Variants in CCNE2 observed in about 807,000 individuals in gnomAD.
CCNE2 encodes the protein cyclin E2, also known as G1/S-specific cyclin-E2.
CCNE2 carries 18 observed loss-of-function variants against 56.8 expected under a neutral mutation model. The observed-to-expected ratio is 0.32, with a 90% CI of 0.22 to 0.47. CCNE2 has a LOEUF of 0.47. Among genes scored for constraint, CCNE2 ranks in the 20% least tolerant of loss-of-function variants. CCNE2 has a pLI of 1.00. For missense variants in CCNE2, 371 were observed against 467.1 expected (o/e 0.79, Z 1.90); for synonymous variants, 139 against 149.2 (o/e 0.93, Z 0.50).
chr8:94,891,460 A>G (rs532122744), intron 5 of CCNE2: 116 of 281,970 alleles, frequency 4.1e-4, no homozygotes, highest in African/African-American at 2.5e-3. Context: ...GGAGTTCGAG[A>G]CCAGCCTGGC....
intron 9 of CCNE2, 81 bp from the exon 10 acceptor site, chr8:94,882,973 G>C (rs903536815): frequency 2.3e-5 from 22 of 973,422 alleles, no homozygotes; most frequent in African/African-American, 3.3e-5. Context: ...TAGGGATCTA[G>C]AGATAAATAA....
upstream of CCNE2, chr8:94,895,230 A>C: frequency 4.1e-6 from 4 of 985,310 alleles, no homozygotes; most frequent in Non-Finnish European, 4.8e-6. Flanking sequence ...CCCAATATAT[A>C]GGCCGGGCCG....
At chr8:94,889,350 A>G (rs1250662177) in intron 6 of CCNE2, among the ~76,000 whole-genome samples, 1 of 152,208 alleles carries the variant, frequency 6.6e-6, no homozygotes, top group Non-Finnish European at 1.5e-5. Flanking sequence ...TGTTGCATAC[A>G]TAATCATATT....
intron 6 of CCNE2, among the ~76,000 whole-genome samples, chr8:94,889,836 G>A (rs1339334228): frequency 6.6e-6 from 1 of 152,140 alleles, no homozygotes; most frequent in African/African-American, 2.4e-5. Flanking sequence ...ACCTAAACAA[G>A]AGAGAAAAAT....
chr8:94,894,004 C>G lies in CCNE2; in HGVS notation c.111+19G>C. The G allele has an allele frequency of 6.2e-7, 1 of 1,613,912 alleles. No homozygotes were observed. Among genetic ancestry groups the G allele is most frequent in the Non-Finnish European group, 8.5e-7 (1 of 1,179,872 alleles). ...TCCCAGCATGGAATTTCGTTCCTCC[C>G]TCTTTCTCCTTAAATCACCTGGGTA... On this transcript the variant is annotated intron_variant, in intron 3 of 11. Transcript: ENST00000308108.
At chr8:94,891,775 C>A (rs1040663745) in intron 5 of CCNE2, 2 of 1,361,862 alleles carry the variant, frequency 1.5e-6, no homozygotes, top group Non-Finnish European at 1.0e-6. Context: ...CCAGGCCAAG[C>A]AGTGGGACTG....
At chr8:94,885,770 G>C (rs1817016390) in intron 7 of CCNE2, among the ~76,000 whole-genome samples, 1 of 143,448 alleles carries the variant, frequency 7.0e-6, no homozygotes, top group South Asian at 2.2e-4. Flanking sequence ...TCAGGCTGGA[G>C]TGCAGTGGTG....
chr8:94,884,014 G>T, intron 9 of CCNE2: 1 of 412,138 alleles, frequency 2.4e-6, no homozygotes, highest in South Asian at 1.7e-5. Context: ...ACTATCAGAA[G>T]GGTATAGCTG....
rs771112872 is a variant in CCNE2, at chr8:94,892,932, G to A, written c.203C>T (p.Pro68Leu). 1 of 1,543,674 alleles carries A rather than the reference G, an allele frequency of 6.5e-7. No homozygotes were observed. Among genetic ancestry groups the A allele is most frequent in the Non-Finnish European group, 8.7e-7 (1 of 1,155,940 alleles). Residue 68 changes from proline (P) to leucine (L), a missense_variant, in exon 5 of 12, where the codon CCT becomes CTT. Transcript: ENST00000308108. ...WPPVLSGGIS[P>L]CIIIETPHKE... Reference sequence around the variant, plus strand: ...GTGAGGTGTTTCAATGATAATGCAAGGACTGATCCCCCCAGATAATACAGG... The same window carrying A: ...GTGAGGTGTTTCAATGATAATGCAAAGACTGATCCCCCCAGATAATACAGG...
chr8:94,885,465 TTAATA>T lies in CCNE2; in HGVS notation c.689_693del (p.Ile230LysfsTer23). 6.4e-7 allele frequency: 1 copy of T among 1,553,934 alleles called. No homozygotes were observed. The highest frequency in any genetic ancestry group is 8.8e-7 in the Non-Finnish European group (1 of 1,134,538). ...TAGGAAAACATAATTATTATTACCT[TTAATA>T]TAATGAGTTCCATCCTTAAGATATC... is the stretch of plus-strand genomic sequence containing the variant. On this transcript the variant is annotated frameshift_variant, in exon 8 of 12. Transcript: ENST00000308108. LOFTEE classifies it high-confidence loss of function.
chr8:94,883,925 G>A (rs979269763), intron 9 of CCNE2: 1 of 456,122 alleles, frequency 2.2e-6, no homozygotes, highest in Non-Finnish European at 4.4e-6. Context: ...AGAAGAGCTG[G>A]GAATTGGAAG....
intron 9 of CCNE2, chr8:94,884,810 AT>A: frequency 6.5e-6 from 2 of 306,022 alleles, no homozygotes; most frequent in Non-Finnish European, 1.2e-5. Context: ...GCTTTTCCCC[AT>A]TTTATATCAA....
chr8:94,885,262 A>C, intron 8 of CCNE2, 61 bp from the exon 9 acceptor site: 2 of 1,479,944 alleles, frequency 1.4e-6, no homozygotes, highest in African/African-American at 2.8e-5. Flanking sequence ...CACATTATAC[A>C]GCAGAGCTTA....
At chr8:94,885,419 A>G in intron 8 of CCNE2, 44 bp downstream of exon 8, 1 of 1,253,830 alleles carries the variant, frequency 8.0e-7, no homozygotes, top group African/African-American at 1.5e-5. Flanking sequence ...TTACTTAGTA[A>G]CATGGTTTCT....
In CCNE2 at chr8:94,890,454, T is replaced by G. The variant is rs1238048680; in HGVS notation, c.414A>C (p.Glu138Asp). The G allele has an allele frequency of 6.2e-7, 1 of 1,609,598 alleles. No homozygotes were observed. Residue 138 changes from glutamate to aspartate, a missense_variant, in exon 6 of 12, where the codon GAA (glutamate) becomes GAC (aspartate). Coordinates refer to ENST00000308108, the MANE Select transcript of CCNE2 (RefSeq NM_057749.3). ...KHFEVLHSDLEPQMRSILLDW... is the reference protein window; with the variant it reads ...KHFEVLHSDLDPQMRSILLDW... The stretch of plus-strand genomic sequence containing the variant: ...CTAGAAGTATGGACCTCATCTGTGG[T>G]TCCAAGTCAGAATGCAGAACTTCAA...
intron 10 of CCNE2, 115 bp downstream of exon 10, chr8:94,882,666 A>C: frequency 1.4e-6 from 1 of 722,450 alleles, no homozygotes; most frequent in South Asian, 1.8e-5. Flanking sequence ...CTGAACAGCT[A>C]ATTTTTTTTT....
At chr8:94,890,738 T>G (rs1817209802) in intron 5 of CCNE2, among the ~76,000 whole-genome samples, 188 bp from the exon 6 acceptor site, 1 of 151,670 alleles carries the variant, frequency 6.6e-6, no homozygotes, top group Non-Finnish European at 1.5e-5. Context: ...GAGTTACAGG[T>G]GCCTGCCACC....
intron 5 of CCNE2, among the ~76,000 whole-genome samples, chr8:94,892,412 GAATT>G (rs1374000308): frequency 6.6e-5 from 10 of 152,330 alleles, no homozygotes; most frequent in Admixed American, 2.0e-4. Context: ...CTAGAAAAAA[GAATT>G]AAGTATAGAC....
intron 1 of CCNE2, 108 bp from the exon 2 acceptor site, chr8:94,894,355 G>T (rs1817376058): frequency 1.4e-5 from 15 of 1,074,262 alleles, no homozygotes; most frequent in South Asian, 5.5e-5. Context: ...TCCGAAGGGG[G>T]CCTGGGCCCT....
Sources: gnomAD v4.1 joint callset for allele counts (sites outside exome capture counted in the v4.1 genomes callset) on GRCh38, gnomAD v4.1.1 for gene constraint, MANE v1.5 for transcripts, NCBI Gene and HGNC (gene_info 2026-07-23, HGNC 2026-07-21) for gene names.